Variants in ECT2 observed in about 807,000 individuals in gnomAD.
The protein encoded by ECT2 is epithelial cell transforming 2.
Under a neutral mutation model 116.9 loss-of-function variants are expected in ECT2, and 61 were observed. The ratio of observed to expected loss-of-function variants is 0.52; its 90% CI spans 0.42 to 0.65. The LOEUF (loss-of-function observed/expected upper bound fraction) is 0.65, where lower values mean the gene tolerates loss of function less well. Ranked by LOEUF, ECT2 falls within the 30% of genes least tolerant of loss-of-function variation. The pLI, the probability that ECT2 is intolerant of heterozygous loss-of-function variation, is 0.00. For synonymous variants in ECT2, 358 were observed against 346.4 expected, an observed-to-expected ratio of 1.03 and a Z score of -0.37; for missense variants, 937 against 1,078.7, an observed-to-expected ratio of 0.87 and a Z score of 1.84.
rs953047983 is a variant in ECT2 at position 172,816,593 on chromosome 3, A to C, written c.2509-98A>C. The C allele has an allele frequency of 1.8e-5, 19 of 1,031,034 alleles. No homozygotes were observed. The Middle Eastern group carries it at 7.9e-4, about 43-fold the overall frequency. The allele number at this position is 1,031,034 out of a possible 1,614,324, so 63.9% of individuals were successfully genotyped here. A position where few individuals can be genotyped will look rare whatever the true frequency, so the allele number is the denominator to read the frequency against. On this transcript the variant is annotated intron_variant, in intron 23 of 24. Transcript: ENST00000392692. Reference sequence around the variant, plus strand: ...CTAATCCTGCCACATAGTACAGTAGAAAAACTTTTGCCATATATTTGGCTT... The same window carrying C: ...CTAATCCTGCCACATAGTACAGTAGCAAAACTTTTGCCATATATTTGGCTT...
At chr3:172,778,716 C>T (rs985684680) in intron 14 of ECT2, among the ~76,000 whole-genome samples, 16 of 151,136 alleles carry the variant, frequency 1.1e-4, no homozygotes, top group South Asian at 2.1e-4. Context: ...CTGCCCTAGC[C>T]TCCTGAGTAG....
At chr3:172,796,157 A>G (rs904972691) in intron 18 of ECT2, among the ~76,000 whole-genome samples, 3 of 152,216 alleles carry the variant, frequency 2.0e-5, no homozygotes, top group Non-Finnish European at 4.4e-5. Flanking sequence ...TCCAGTATCA[A>G]AAAATTATAG....
chr3:172,787,710 T>G (rs1723852993), intron 18 of ECT2, among the ~76,000 whole-genome samples: 1 of 152,220 alleles, frequency 6.6e-6, no homozygotes, highest in Non-Finnish European at 1.5e-5. Context: ...TTTACCTTGA[T>G]CTTTTCAACA....
chr3:172,819,538 G>A (rs1316110263), intron 24 of ECT2, among the ~76,000 whole-genome samples: 3 of 151,932 alleles, frequency 2.0e-5, no homozygotes, highest in Non-Finnish European at 4.4e-5. Flanking sequence ...AGAGATGGGG[G>A]TCTTGCTAAG....
intron 15 of ECT2, among the ~76,000 whole-genome samples, chr3:172,782,450 TATC>T (rs1440348323): frequency 4.6e-5 from 7 of 152,336 alleles, no homozygotes; most frequent in Admixed American, 1.3e-4. Flanking sequence ...GAATGCCAAT[TATC>T]ATGCTGTGGT....
In ECT2 at chr3:172,795,821, A is replaced by G. The variant is rs148380459; in HGVS notation, c.1908-6795A>G. On this transcript the variant is annotated intron_variant, in intron 18 of 24. Coordinates refer to ENST00000392692, the MANE Select transcript of ECT2 (RefSeq NM_001258315.2). The stretch of plus-strand genomic sequence containing the variant: ...TGAGTCATATCCAAATAAGAGAAAA[A>G]ACAAAAACGAATTGCTGAATAAATA... Among the ~76,000 whole-genome samples, 820 of 152,292 alleles carry G rather than the reference A, an allele frequency of 5.4e-3. 7 individuals are homozygous for G. Among genetic ancestry groups the G allele is most frequent in the Middle Eastern group, 0.024 (7 of 290 alleles).
At chr3:172,822,568 T>TTC (rs953897483), downstream of ECT2, among the ~76,000 whole-genome samples, 2 of 151,746 alleles carry the variant, frequency 1.3e-5, no homozygotes. Context: ...AAGATCTTAG[T>TTC]TAAGAGCAAA....
At chr3:172,764,026 A>G (rs1301195792) in intron 11 of ECT2, among the ~76,000 whole-genome samples, 2 of 152,206 alleles carry the variant, frequency 1.3e-5, no homozygotes, top group East Asian at 3.8e-4. Flanking sequence ...CAGGTAGTAA[A>G]CAAGTTTACA....
Position 172,778,850 on chromosome 3 carries a change from C to G in ECT2, c.1549-3313C>G, listed in dbSNP as rs544428663. Among the ~76,000 whole-genome samples the G allele has an allele frequency of 1.1e-4, 16 of 152,202 alleles. No homozygotes were observed. The East Asian group carries it at 3.1e-3, about 29-fold the overall frequency. On this transcript the variant is annotated intron_variant, in intron 14 of 24. Transcript: ENST00000392692. ...GACCTTGTGATCTGCCCGCCTCGGCCTCCCAAAGTGCTGGGATTACAGGCA... is the reference window on the plus strand; with the variant it reads ...GACCTTGTGATCTGCCCGCCTCGGCGTCCCAAAGTGCTGGGATTACAGGCA...
chr3:172,774,418 C>T (rs890413164), intron 14 of ECT2, among the ~76,000 whole-genome samples: 2 of 151,982 alleles, frequency 1.3e-5, no homozygotes, highest in African/African-American at 4.8e-5. Context: ...AGGCTGGTTT[C>T]GAACTCCTGA....
intron 18 of ECT2, 33 bp from the exon 19 acceptor site, chr3:172,802,583 A>G: frequency 7.5e-7 from 1 of 1,341,868 alleles, no homozygotes; most frequent in Admixed American, 2.2e-5. Flanking sequence ...TTCATGTTCT[A>G]TTTTAAAAGT....
chr3:172,783,769 A>T (rs769644772), intron 15 of ECT2, 30 bp from the exon 16 acceptor site: 18 of 1,403,866 alleles, frequency 1.3e-5, no homozygotes, highest in Non-Finnish European at 1.8e-5. Flanking sequence ...AATGCATAAT[A>T]AATAATGTTT....
intron 21 of ECT2, among the ~76,000 whole-genome samples, chr3:172,806,833 G>T (rs1727843334): frequency 6.6e-6 from 1 of 151,688 alleles, no homozygotes; most frequent in Admixed American, 6.6e-5. Flanking sequence ...AGTAGAGACG[G>T]GGTTTCACCA....
intron 7 of ECT2, 80 bp downstream of exon 7, chr3:172,760,343 ATTTC>A: frequency 2.8e-6 from 2 of 724,372 alleles, no homozygotes; most frequent in Non-Finnish European, 4.3e-6. Context: ...TCTTTTATCT[ATTTC>A]TTTCACAATT....
intron 14 of ECT2, among the ~76,000 whole-genome samples, chr3:172,776,218 T>A (rs1326946639): frequency 7.1e-5 from 10 of 141,534 alleles, no homozygotes; most frequent in Admixed American, 6.8e-4. Context: ...TTTTTTTTTT[T>A]TTTGTCATCT....
intron 22 of ECT2, among the ~76,000 whole-genome samples, chr3:172,810,844 A>T (rs1288155419): frequency 6.6e-6 from 1 of 152,164 alleles, no homozygotes; most frequent in East Asian, 1.9e-4. Context: ...CCTGAAATTA[A>T]TATTATATAT....
At chr3:172,794,964 G>C (rs561679726) in intron 18 of ECT2, among the ~76,000 whole-genome samples, 9 of 152,034 alleles carry the variant, frequency 5.9e-5, no homozygotes, top group South Asian at 4.2e-4. Context: ...CACCCACCTT[G>C]GCCTCCCAAA....
chr3:172,767,742 A>G (rs1719781980), intron 12 of ECT2, among the ~76,000 whole-genome samples: 1 of 135,914 alleles, frequency 7.4e-6, no homozygotes, highest in African/African-American at 3.8e-5. Flanking sequence ...TTTGAGACGG[A>G]GTCTTGCTTG....
intron 13 of ECT2, chr3:172,771,486 A>G (rs1720623798): frequency 6.6e-6 from 1 of 152,248 alleles, no homozygotes; most frequent in African/African-American, 2.4e-5. Flanking sequence ...CGAGTAAACA[A>G]TACAAGTGAT....
Sources: allele counts gnomAD v4.1 joint callset (sites outside exome capture counted in the v4.1 genomes callset), GRCh38; gene constraint gnomAD v4.1.1; transcripts MANE v1.5; gene names NCBI Gene and HGNC (gene_info 2026-07-23, HGNC 2026-07-21).